Variants in PIK3C2G observed in about 807,000 individuals in gnomAD.
PIK3C2G encodes the protein phosphatidylinositol 3-kinase C2 domain-containing subunit gamma.
PIK3C2G carries 168 observed loss-of-function variants against 181.1 expected under a neutral mutation model. That is an observed-to-expected ratio of 0.93 (90% CI 0.82 to 1.05). The LOEUF (loss-of-function observed/expected upper bound fraction) is 1.05. Among genes scored for constraint, PIK3C2G ranks in the 50% least tolerant of loss-of-function variants. The pLI, the probability that PIK3C2G is intolerant of heterozygous loss-of-function variation, is 0.00. For missense variants in PIK3C2G, 1,869 were observed against 1,732.8 expected (o/e 1.08, Z -1.40); for synonymous variants, 573 against 592.2 (o/e 0.97, Z 0.47).
At chr12:18,300,414 T>C (rs1420415065) in intron 5 of PIK3C2G, among the ~76,000 whole-genome samples, 1 of 152,020 alleles carries the variant, frequency 6.6e-6, no homozygotes, top group Admixed American at 6.6e-5. Flanking sequence ...CTTAAGTCTA[T>C]TTTATCTGAT....
At chr12:18,645,409 TTTCTTAATGAAGCAG>T (rs1950070404) in intron 32 of PIK3C2G, among the ~76,000 whole-genome samples, 1 of 152,284 alleles carries the variant, frequency 6.6e-6, no homozygotes, top group East Asian at 1.9e-4. Context: ...GAAAATAACT[TTTCTTAATGAAGCAG>T]AGGGAAAAAA....
chr12:18,359,299 C>A (rs2137774706), intron 11 of PIK3C2G, among the ~76,000 whole-genome samples: 1 of 152,264 alleles, frequency 6.6e-6, no homozygotes, highest in Middle Eastern at 3.4e-3. Context: ...AGAAAAGCTA[C>A]TTGATATTAT....
At chr12:18,701,606 ATCCTCC>A in the PIK3C2G span, 62,833 of 1,522,444 alleles carry the variant, frequency 0.041, 558 homozygotes, top group African/African-American at 0.081. Flanking sequence ...CTTTGAATTT[ATCCTCC>A]TCCTCCTCCT....
At chr12:18,598,889 A>T (rs532562558) in intron 30 of PIK3C2G, among the ~76,000 whole-genome samples, 1 of 152,128 alleles carries the variant, frequency 6.6e-6, no homozygotes, top group South Asian at 2.1e-4. Context: ...CAAAAAACAC[A>T]TGAGAAAATG....
the PIK3C2G span, among the ~76,000 whole-genome samples, chr12:18,690,127 A>G: frequency 6.6e-6 from 1 of 152,196 alleles, no homozygotes; most frequent in Non-Finnish European, 1.5e-5. Flanking sequence ...AGGAAAAATA[A>G]TGTATTTGTT....
chr12:18,674,067 G>C, the PIK3C2G span, among the ~76,000 whole-genome samples: 1 of 152,164 alleles, frequency 6.6e-6, no homozygotes, highest in Non-Finnish European at 1.5e-5. Context: ...ATCACTGGTA[G>C]ATATCTTACA....
intron 8 of PIK3C2G, among the ~76,000 whole-genome samples, chr12:18,333,533 G>C (rs367846676): frequency 6.6e-6 from 1 of 152,002 alleles, no homozygotes; most frequent in African/African-American, 2.4e-5. Flanking sequence ...GAGAACATGC[G>C]GTGTTAGGTT....
At chr12:18,306,919 C>T (rs1950444466) in intron 5 of PIK3C2G, among the ~76,000 whole-genome samples, 1 of 151,680 alleles carries the variant, frequency 6.6e-6, no homozygotes, top group Admixed American at 6.6e-5. Flanking sequence ...GTGACTACTT[C>T]TTACATGTAA....
chr12:18,692,816 C>T, the PIK3C2G span: 1 of 1,544,156 alleles, frequency 6.5e-7, no homozygotes, highest in Non-Finnish European at 8.9e-7. Context: ...AGAAGGATGA[C>T]AAGCTCTAAC....
At chr12:18,640,177 T>C (rs1949778682) in intron 31 of PIK3C2G, among the ~76,000 whole-genome samples, 1 of 152,036 alleles carries the variant, frequency 6.6e-6, no homozygotes, top group African/African-American at 2.4e-5. Context: ...AAGTAAATTA[T>C]ATGTAATGGA....
intron 6 of PIK3C2G, among the ~76,000 whole-genome samples, chr12:18,316,944 G>A (rs970439856): frequency 6.6e-6 from 1 of 151,450 alleles, no homozygotes; most frequent in Admixed American, 6.6e-5. Context: ...CAATTAAAAA[G>A]CAGGGGTAAC....
At chr12:18,707,870 T>C in the PIK3C2G span, among the ~76,000 whole-genome samples, 5 of 152,200 alleles carry the variant, frequency 3.3e-5, no homozygotes, top group African/African-American at 1.2e-4. Context: ...TTTGGGTGTT[T>C]TTAAATGCAT....
chr12:18,300,691 T>C (rs1950139727), intron 5 of PIK3C2G, among the ~76,000 whole-genome samples: 1 of 152,102 alleles, frequency 6.6e-6, no homozygotes, highest in Non-Finnish European at 1.5e-5. Flanking sequence ...CTTTTGTTCC[T>C]TTCTTTCTCT....
Position 18,511,205 on chromosome 12 carries a change from C to T in PIK3C2G, c.3323+5744C>T, listed in dbSNP as rs544281240. Among the ~76,000 whole-genome samples, 6 of 152,262 alleles carry T rather than the reference C, an allele frequency of 3.9e-5. No individual in the cohort carries two copies. In the South Asian group the frequency reaches 1.2e-3, roughly 32 times the overall value. ...AGTATTTCATTGTGTGTACGTACTA[C>T]ATTTTCTTAATCTCTTCATCCATTG... On this transcript the variant is annotated intron_variant, in intron 24 of 32. Coordinates refer to ENST00000538779, the MANE Select transcript of PIK3C2G (RefSeq NM_001288772.2).
chr12:18,292,228 AT>A (rs1227014019), intron 4 of PIK3C2G, among the ~76,000 whole-genome samples: 355 of 28,564 alleles, frequency 0.012, 9 homozygotes, highest in African/African-American at 0.036. Context: ...AAAAAAAAAA[AT>A]ATATATATAT....
At chr12:18,331,266 G>A (rs963491390) in intron 8 of PIK3C2G, among the ~76,000 whole-genome samples, 2 of 152,170 alleles carry the variant, frequency 1.3e-5, no homozygotes, top group South Asian at 4.2e-4. Flanking sequence ...AAGGAAACTT[G>A]ATATTTTAAA....
intron 5 of PIK3C2G, among the ~76,000 whole-genome samples, chr12:18,304,212 T>C (rs1471452408): frequency 2.0e-5 from 3 of 152,170 alleles, no homozygotes; most frequent in African/African-American, 4.8e-5. Flanking sequence ...AAAAAACTTC[T>C]ATATTTTAAA....
chr12:18,287,172 A>C (rs1349644479), intron 3 of PIK3C2G, among the ~76,000 whole-genome samples: 1 of 152,102 alleles, frequency 6.6e-6, no homozygotes, highest in Non-Finnish European at 1.5e-5. Flanking sequence ...ATGTTTTATA[A>C]ATTTGGACAT....
the PIK3C2G span, among the ~76,000 whole-genome samples, chr12:18,661,728 C>A: frequency 1.7e-4 from 26 of 152,088 alleles, no homozygotes; most frequent in African/African-American, 5.6e-4. Context: ...TTGTGGAAAG[C>A]AGTTTGGTGA....
Sources: allele counts gnomAD v4.1 joint callset (sites outside exome capture counted in the v4.1 genomes callset), GRCh38; gene constraint gnomAD v4.1.1; transcripts MANE v1.5; gene names NCBI Gene and HGNC (gene_info 2026-07-23, HGNC 2026-07-21).